The following CBFA2T3 variants were observed in gnomAD, a reference collection of about 807,000 sequenced individuals.
CBFA2T3 encodes CBFA2/RUNX1 partner transcriptional co-repressor 3.
A neutral mutation model predicts 58.6 loss-of-function variants in CBFA2T3; 31 were observed. That is an observed-to-expected ratio of 0.53 (90% CI 0.40 to 0.71). CBFA2T3 has a LOEUF of 0.71. CBFA2T3 is among the 30% of genes least tolerant of loss of function. CBFA2T3 has a pLI of 0.00. For missense variants in CBFA2T3, 1,076 were observed against 963.1 expected (o/e 1.12, Z -1.55); for synonymous variants, 531 against 421.9 (o/e 1.26, Z -3.17).
Position 88,902,761 on chromosome 16 carries a change from C to T in CBFA2T3, c.152-1105G>A, listed in dbSNP as rs546386025. ...GACCTGCTATCCGTGGCTGAGACTT[C>T]GGGGGCCTCAGCGGCTTAGAGCAGC... On this transcript the variant is annotated intron_variant, in intron 1 of 11. Coordinates refer to ENST00000268679, the MANE Select transcript of CBFA2T3 (RefSeq NM_005187.6). Among the ~76,000 whole-genome samples the T allele has an allele frequency of 3.9e-5, 6 of 152,336 alleles. No homozygotes were observed. The East Asian group carries it at 1.2e-3, about 29-fold the overall frequency.
At chr16:88,914,147 C>T (rs913493694) in intron 1 of CBFA2T3, among the ~76,000 whole-genome samples, 5 of 152,246 alleles carry the variant, frequency 3.3e-5, no homozygotes, top group South Asian at 2.1e-4. Flanking sequence ...GCACTGCAAG[C>T]GGTCTCTCAC....
chr16:88,937,568 G>C (rs1298076259), intron 1 of CBFA2T3: 1 of 152,320 alleles, frequency 6.6e-6, no homozygotes, highest in Non-Finnish European at 1.5e-5. Flanking sequence ...GTCACAGACA[G>C]AGCCCCGTGG....
intron 1 of CBFA2T3, among the ~76,000 whole-genome samples, chr16:88,906,944 G>A (rs897038889): frequency 2.0e-5 from 3 of 152,232 alleles, no homozygotes; most frequent in African/African-American, 7.2e-5. Flanking sequence ...CCGAAGGGAC[G>A]CTGGCTCGTA....
At chr16:88,909,251 C>T (rs143476520) in intron 1 of CBFA2T3, among the ~76,000 whole-genome samples, 15 of 152,336 alleles carry the variant, frequency 9.8e-5, no homozygotes, top group Admixed American at 2.6e-4. Context: ...AGGTCCAGGA[C>T]GGGCTCTGGA....
intron 8 of CBFA2T3, among the ~76,000 whole-genome samples, chr16:88,882,459 CTG>C (rs1379842870): frequency 4.9e-5 from 7 of 144,092 alleles, no homozygotes; most frequent in African/African-American, 1.3e-4. Flanking sequence ...GTGGGCGTGG[CTG>C]TGTGCGTGGG....
chr16:88,929,682 ACCCACAGC>A (rs1971214156), intron 1 of CBFA2T3, among the ~76,000 whole-genome samples: 3 of 149,858 alleles, frequency 2.0e-5, no homozygotes, highest in Non-Finnish European at 4.4e-5. Context: ...AACTACCAAT[ACCCACAGC>A]TGCGTGGTCC....
intron 1 of CBFA2T3, among the ~76,000 whole-genome samples, chr16:88,935,074 C>T (rs1370819942): frequency 1.3e-5 from 2 of 152,210 alleles, no homozygotes; most frequent in South Asian, 2.1e-4. Flanking sequence ...CTGAAGGCCA[C>T]GTGGTGGAGC....
At chr16:88,882,652 G>A (rs1969172347) in intron 8 of CBFA2T3, 24 bp downstream of exon 8, 2 of 1,492,652 alleles carry the variant, frequency 1.3e-6, no homozygotes, top group South Asian at 2.4e-5. Context: ...GGCTGTGTGG[G>A]CGTGGCTGTG....
At chr16:88,941,399 C>CCCG (rs1038578518) in intron 1 of CBFA2T3, among the ~76,000 whole-genome samples, 1 of 146,704 alleles carries the variant, frequency 6.8e-6, no homozygotes, top group African/African-American at 2.4e-5. Context: ...CCTCCTGCCC[C>CCCG]CCGCCGCCGC....
intron 1 of CBFA2T3, among the ~76,000 whole-genome samples, chr16:88,928,735 G>C (rs1459415735): frequency 6.6e-6 from 1 of 152,230 alleles, no homozygotes; most frequent in Non-Finnish European, 1.5e-5. Flanking sequence ...GGGAGCCCAG[G>C]AACACTGTGC....
intron 1 of CBFA2T3, among the ~76,000 whole-genome samples, chr16:88,929,299 G>A (rs1412543866): frequency 6.6e-6 from 1 of 152,178 alleles, no homozygotes; most frequent in African/African-American, 2.4e-5. Flanking sequence ...CCATCACCGG[G>A]GCCGGCACAC....
At chr16:88,899,580 T>C (rs1445564396) in intron 2 of CBFA2T3, among the ~76,000 whole-genome samples, 1 of 151,862 alleles carries the variant, frequency 6.6e-6, no homozygotes. Flanking sequence ...CGTTCACAGG[T>C]CTCCAGAAGC....
At chr16:88,891,819 G>A (rs572817434) in intron 5 of CBFA2T3, 63 bp downstream of exon 5, 76 of 1,148,856 alleles carry the variant, frequency 6.6e-5, no homozygotes, top group African/African-American at 2.0e-4. Flanking sequence ...ACGCTGGCAA[G>A]GAGTGGGATT....
intron 1 of CBFA2T3, chr16:88,937,133 C>G (rs1971529935): frequency 1.3e-5 from 2 of 152,284 alleles, no homozygotes; most frequent in African/African-American, 4.8e-5. Flanking sequence ...AAAGGAAGGT[C>G]CCGGCCTACG....
At chr16:88,880,331 T>C (rs1029419646) in intron 10 of CBFA2T3, among the ~76,000 whole-genome samples, 1 of 151,978 alleles carries the variant, frequency 6.6e-6, no homozygotes, top group Non-Finnish European at 1.5e-5. Context: ...CATGAGCAAA[T>C]GTCCCCACAG....
chr16:88,935,495 A>G (rs1398840241), intron 1 of CBFA2T3, among the ~76,000 whole-genome samples: 1 of 152,222 alleles, frequency 6.6e-6, no homozygotes, highest in Non-Finnish European at 1.5e-5. Flanking sequence ...TCTTACCCTC[A>G]GTTTCCCCTC....
chr16:88,975,165 C>CCTGCAGCCATATCAAAGGGCCACCCTGAT (rs1567643912), intron 1 of CBFA2T3, among the ~76,000 whole-genome samples: 4 of 87,418 alleles, frequency 4.6e-5, no homozygotes, highest in African/African-American at 7.2e-5. Context: ...TCCACCCTGA[C>CCTGCAGCCATATCAAAGGGCCACCCTGAT]CCTCTCTGCT....
In CBFA2T3 at chr16:88,885,013, G is replaced by T. The variant is rs755909799; in HGVS notation, c.1117+33C>A. On this transcript the variant is annotated intron_variant, in intron 7 of 11. Transcript: ENST00000268679. The surrounding 1 kb of genome is among the most constrained non-coding windows in gnomAD (Gnocchi z 5.3). Reference sequence around the variant, plus strand: ...GGGCGCATGTGTGCTCCTGTAACACGCGTCCACGCTCCCGCCCCACCGGGC... The same window carrying T: ...GGGCGCATGTGTGCTCCTGTAACACTCGTCCACGCTCCCGCCCCACCGGGC... 2 of 1,510,044 alleles carry T rather than the reference G, an allele frequency of 1.3e-6. No homozygotes were observed. Among genetic ancestry groups the T allele is most frequent in the South Asian group, 2.4e-5 (2 of 84,596 alleles). The allele number at this position is 1,510,044 out of a possible 1,614,324, so 93.5% of individuals were successfully genotyped here. A position where few individuals can be genotyped will look rare whatever the true frequency, so the allele number is the denominator to read the frequency against.
chr16:88,946,821 T>C (rs569550279), intron 1 of CBFA2T3, among the ~76,000 whole-genome samples: 254 of 152,286 alleles, frequency 1.7e-3, no homozygotes, highest in Non-Finnish European at 3.0e-3. Flanking sequence ...GGTCTCACTC[T>C]GTCTCCCAGG....
Sources: gnomAD v4.1 joint callset for allele counts (sites outside exome capture counted in the v4.1 genomes callset) on GRCh38, gnomAD v4.1.1 for gene constraint, Gnocchi (gnomAD v3.1) non-coding constraint, MANE v1.5 for transcripts, NCBI Gene and HGNC (gene_info 2026-07-23, HGNC 2026-07-21) for gene names.